Variants in CNTN3 observed in about 807,000 individuals in gnomAD.
The protein encoded by CNTN3 is contactin 3, also known as contactin-3.
Under a neutral mutation model 119.1 loss-of-function variants are expected in CNTN3, and 60 were observed. The observed-to-expected ratio is 0.50, with a 90% CI of 0.41 to 0.62. The LOEUF is 0.62. Ranked by LOEUF, CNTN3 falls within the 20% of genes least tolerant of loss-of-function variation. CNTN3 has a pLI of 0.00. For synonymous variants in CNTN3, 450 were observed against 438.7 expected (o/e 1.03, Z -0.32); for missense variants, 1,101 against 1,242.4 (o/e 0.89, Z 1.71).
intron 11 of CNTN3, among the ~76,000 whole-genome samples, chr3:74,340,560 T>C (rs933149854): frequency 1.3e-5 from 2 of 152,102 alleles, no homozygotes; most frequent in African/African-American, 4.8e-5. Flanking sequence ...ACTTGATTTA[T>C]AGTGTTGCTC....
At chr3:74,586,722 G>C (rs1704598716) in intron 1 of CNTN3, among the ~76,000 whole-genome samples, 1 of 151,930 alleles carries the variant, frequency 6.6e-6, no homozygotes, top group Admixed American at 6.6e-5. Flanking sequence ...AATACATACT[G>C]TAATAACTAC....
In CNTN3 at chr3:74,301,800, G is replaced by T. The variant is rs1419054331; in HGVS notation, c.1792C>A (p.Pro598Thr). The change falls in exon 15 of 23, where the codon CCT (proline) becomes ACT (threonine). Residue 598 changes from proline to threonine, a missense_variant. Coordinates refer to ENST00000263665, the MANE Select transcript of CNTN3 (RefSeq NM_020872.3). The stretch of plus-strand genomic sequence containing the variant: ...ACCTTCACATTTTCTGGTGGTCCAG[G>T]TGAACCTAAGGAAGGCACAAATGGA... ...SAADLIVRGS[P>T]GPPENVKVDE... The T allele has an allele frequency of 6.2e-7, 1 of 1,613,852 alleles. No individual in the cohort carries two copies. The highest frequency in any genetic ancestry group is 1.1e-5 in the South Asian group (1 of 91,068).
chr3:74,573,961 A>C (rs1575839206), intron 1 of CNTN3, among the ~76,000 whole-genome samples: 2 of 152,190 alleles, frequency 1.3e-5, no homozygotes, highest in East Asian at 3.8e-4. Flanking sequence ...ATACCCAAGA[A>C]AACTGAAAAT....
At chr3:74,313,267 A>G (rs1702743874) in intron 13 of CNTN3, among the ~76,000 whole-genome samples, 1 of 152,176 alleles carries the variant, frequency 6.6e-6, no homozygotes, top group African/African-American at 2.4e-5. Context: ...TTTTGAAGCA[A>G]TGGTGACTAA....
At position 74,272,592 on chromosome 3, in the gene CNTN3, T is replaced by C. The variant is rs531627934; in HGVS notation, c.2705-5214A>G. ...TGTATTGCATTATATGTGTGATTTA[T>C]GGTGTGTCATATACAAACATGATTA... On this transcript the variant is annotated intron_variant, in intron 20 of 22. Coordinates refer to ENST00000263665, the MANE Select transcript of CNTN3 (RefSeq NM_020872.3). 1.2e-4 allele frequency among the ~76,000 whole-genome samples: 18 copies of C among 152,320 alleles called. No homozygotes were observed. In the South Asian group the frequency reaches 2.3e-3, roughly 19 times the overall value.
chr3:74,401,908 A>G (rs1559583541), intron 5 of CNTN3, among the ~76,000 whole-genome samples: 1 of 152,172 alleles, frequency 6.6e-6, no homozygotes, highest in Non-Finnish European at 1.5e-5. Flanking sequence ...TTATAGTTAA[A>G]GCAATAGGCT....
intron 1 of CNTN3, among the ~76,000 whole-genome samples, chr3:74,594,040 C>G (rs1031830199): frequency 2.4e-4 from 37 of 151,732 alleles, no homozygotes; most frequent in Non-Finnish European, 8.8e-5. Flanking sequence ...AAACTCCAAA[C>G]AAAACATTTT....
At chr3:74,420,726 T>C (rs1701603204) in intron 5 of CNTN3, among the ~76,000 whole-genome samples, 1 of 152,172 alleles carries the variant, frequency 6.6e-6, no homozygotes, top group Non-Finnish European at 1.5e-5. Context: ...AGGGTGCTGG[T>C]TTAGAGCATG....
intron 13 of CNTN3, among the ~76,000 whole-genome samples, chr3:74,313,445 A>C (rs1333552801): frequency 6.6e-6 from 1 of 151,782 alleles, no homozygotes; most frequent in Non-Finnish European, 1.5e-5. Context: ...TGAAAGATTA[A>C]AAAAAAAATT....
intron 19 of CNTN3, among the ~76,000 whole-genome samples, chr3:74,293,873 C>T (rs1050677761): frequency 1.3e-5 from 2 of 152,188 alleles, no homozygotes; most frequent in Admixed American, 1.3e-4. Context: ...TTTGTCCTGC[C>T]TGTCCATGGC....
chr3:74,425,746 T>C (rs1332755138), intron 4 of CNTN3, among the ~76,000 whole-genome samples: 2 of 152,166 alleles, frequency 1.3e-5, no homozygotes, highest in Non-Finnish European at 2.9e-5. Flanking sequence ...CCTAAATAGA[T>C]TTTATTCTAC....
chr3:74,527,391 T>G (rs1271099551), intron 1 of CNTN3, among the ~76,000 whole-genome samples: 2 of 151,876 alleles, frequency 1.3e-5, no homozygotes, highest in Non-Finnish European at 2.9e-5. Context: ...GTTCTTGTTG[T>G]ATGTATATTG....
At chr3:74,532,480 T>C (rs564271284) in intron 1 of CNTN3, among the ~76,000 whole-genome samples, 2 of 151,954 alleles carry the variant, frequency 1.3e-5, no homozygotes, top group African/African-American at 2.4e-5. Flanking sequence ...ACAACAATAA[T>C]CAAATAGAAC....
At chr3:74,534,085 C>T (rs926306424) in intron 1 of CNTN3, among the ~76,000 whole-genome samples, 3 of 151,984 alleles carry the variant, frequency 2.0e-5, no homozygotes, top group Admixed American at 1.3e-4. Context: ...ACTTTCTGTT[C>T]GGAACTTTAC....
At chr3:74,491,335 C>CA (rs35745885) in intron 3 of CNTN3, among the ~76,000 whole-genome samples, 68,755 of 149,398 alleles carry the variant, frequency 0.46, 17,575 homozygotes, top group Non-Finnish European at 0.58. Flanking sequence ...ACCATCTTTA[C>CA]AAAAAAAAAA....
At chr3:74,568,269 C>A (rs1343569345) in intron 1 of CNTN3, among the ~76,000 whole-genome samples, 1 of 152,208 alleles carries the variant, frequency 6.6e-6, no homozygotes, top group Admixed American at 6.5e-5. Context: ...ATGATCTTTG[C>A]AGCCATATGT....
intron 1 of CNTN3, among the ~76,000 whole-genome samples, chr3:74,558,414 C>A (rs1163853027): frequency 6.6e-6 from 1 of 152,162 alleles, no homozygotes; most frequent in Non-Finnish European, 1.5e-5. Context: ...ACACTCCTCA[C>A]AACTGTTAGT....
At chr3:74,460,756 T>C (rs13074082) in intron 4 of CNTN3, among the ~76,000 whole-genome samples, 21,783 of 135,984 alleles carry the variant, frequency 0.16, 2,101 homozygotes, top group East Asian at 0.48. Context: ...GTAGAGATAG[T>C]TTTATTTCTT....
intron 1 of CNTN3, among the ~76,000 whole-genome samples, chr3:74,578,807 T>C (rs1174017898): frequency 6.6e-6 from 1 of 152,042 alleles, no homozygotes; most frequent in African/African-American, 2.4e-5. Context: ...CATTAGTGAA[T>C]TAATATGAAC....
Sources: allele counts gnomAD v4.1 joint callset (sites outside exome capture counted in the v4.1 genomes callset), GRCh38; gene constraint gnomAD v4.1.1; transcripts MANE v1.5; gene names NCBI Gene and HGNC (gene_info 2026-07-23, HGNC 2026-07-21).